The following ABCA13 variants were observed in gnomAD, a reference collection of about 807,000 sequenced individuals.
ABCA13 encodes the protein ATP binding cassette subfamily A member 13, also known as ATP-binding cassette sub-family A member 13.
Under a neutral mutation model 478.7 loss-of-function variants are expected in ABCA13, and 476 were observed. The ratio of observed to expected loss-of-function variants is 0.99; its 90% confidence interval spans 0.92 to 1.07. ABCA13 has a LOEUF of 1.07. ABCA13 is among the 50% of genes least tolerant of loss of function. ABCA13 has a pLI of 0.00. For missense variants in ABCA13, 6,060 were observed against 5,910.6 expected, an observed-to-expected ratio of 1.03 and a Z score of -0.83; for synonymous variants, 2,252 against 2,158.9, an observed-to-expected ratio of 1.04 and a Z score of -1.20.
chr7:48,221,156 T>C (rs1445897269), intron 4 of ABCA13, 125 bp from the exon 5 acceptor site: 10 of 534,074 alleles, frequency 1.9e-5, no homozygotes, highest in Admixed American at 3.6e-5. Flanking sequence ...TCAGTTTTGG[T>C]GTATTTGATT....
chr7:48,183,613 C>G lies in ABCA13; in HGVS notation c.70-9346C>G, dbSNP rs182468066. The stretch of plus-strand genomic sequence containing the variant: ...CCTCATTCAGGGATTGTGTACGGCT[C>G]TGCTTCATTTAGTTTCACAAGGACA... On this transcript the variant is annotated intron_variant, in intron 1 of 61. Transcript: ENST00000435803. Among the ~76,000 whole-genome samples, 7 of 152,324 alleles carry G rather than the reference C, an allele frequency of 4.6e-5. No individual in the cohort carries two copies. In the East Asian group the frequency reaches 1.4e-3, roughly 29 times the overall value.
intron 35 of ABCA13, among the ~76,000 whole-genome samples, chr7:48,381,426 T>C (rs1814367495): frequency 6.6e-6 from 1 of 151,852 alleles, no homozygotes; most frequent in African/African-American, 2.4e-5. Flanking sequence ...CAAATACTTT[T>C]CTCTCGATTT....
chr7:48,414,615 G>A (rs6967055), intron 41 of ABCA13, among the ~76,000 whole-genome samples: 28,998 of 149,950 alleles, frequency 0.19, 3,177 homozygotes, highest in East Asian at 0.23. Flanking sequence ...TATATTACAT[G>A]TAATAATACA....
Position 48,192,997 on chromosome 7 carries a change from G to A in ABCA13, c.108G>A (p.Leu36=). The part of the protein sequence containing the change: ...FLAEFFWPCI[L]FVILTVLRFQ... ...CTGAATTCTTCTGGCCTTGTATCCT[G>A]TTTGTAATTCTGACAGTTCTTCGTT... Residue 36 remains leucine, a synonymous_variant, in exon 2 of 62, where the codon CTG becomes CTA. Coordinates refer to ENST00000435803, the MANE Select transcript of ABCA13 (RefSeq NM_152701.5). 4 of 1,517,870 alleles carry A rather than the reference G, an allele frequency of 2.6e-6. No homozygotes were observed. Among genetic ancestry groups the A allele is most frequent in the Non-Finnish European group, 3.5e-6 (4 of 1,137,932 alleles). 94.0% of individuals were successfully genotyped at this position (1,517,870 alleles called of 1,614,324 possible). A position where few individuals can be genotyped will look rare whatever the true frequency, so the allele number is the denominator to read the frequency against.
chr7:48,604,458 A>T (rs1791256303), intron 58 of ABCA13, among the ~76,000 whole-genome samples: 1 of 152,168 alleles, frequency 6.6e-6, no homozygotes, highest in South Asian at 2.1e-4. Context: ...TTCAAAGAAC[A>T]TCTTTATTTC....
intron 55 of ABCA13, among the ~76,000 whole-genome samples, chr7:48,571,437 T>C (rs2131321485): frequency 6.6e-6 from 1 of 152,264 alleles, no homozygotes; most frequent in East Asian, 1.9e-4. Context: ...TTTTAAAAGA[T>C]AGTCATTTCT....
chr7:48,268,871 T>TAA, intron 15 of ABCA13, 109 bp from the exon 16 acceptor site: 2 of 367,450 alleles, frequency 5.4e-6, no homozygotes, highest in Non-Finnish European at 9.9e-6. Flanking sequence ...TTTTTTTTTT[T>TAA]TTAACATTTT....
chr7:48,269,923 A>C (rs984138385), intron 16 of ABCA13, among the ~76,000 whole-genome samples: 13 of 152,178 alleles, frequency 8.5e-5, no homozygotes, highest in Non-Finnish European at 1.6e-4. Context: ...AATGGGATGG[A>C]TCCTCTAGAG....
At chr7:48,605,156 C>G (rs1170086250) in intron 58 of ABCA13, among the ~76,000 whole-genome samples, 1 of 151,980 alleles carries the variant, frequency 6.6e-6, no homozygotes, top group African/African-American at 2.4e-5. Flanking sequence ...GAATAAAGCA[C>G]ACCCATGGGT....
Position 48,273,746 on chromosome 7 carries a change from T to C in ABCA13, c.4080T>C (p.Asp1360=). Residue 1360 remains aspartate (D), a synonymous_variant, in exon 17 of 62, where the codon GAT becomes GAC. Transcript: ENST00000435803. ...FQNVTECILE[D]GFLYVNTSQR... is the part of the protein sequence containing the mutation. ...ATGTTACTGAGTGTATTTTAGAAGA[T>C]GGCTTTTTATATGTAAATACCTCAC... 2 of 1,610,576 alleles carry C rather than the reference T, an allele frequency of 1.2e-6. No individual in the cohort carries two copies. Among genetic ancestry groups the C allele is most frequent in the Non-Finnish European group, 1.7e-6 (2 of 1,178,164 alleles).
At chr7:48,357,879 C>T (rs1810182248) in intron 31 of ABCA13, among the ~76,000 whole-genome samples, 1 of 151,856 alleles carries the variant, frequency 6.6e-6, no homozygotes, top group African/African-American at 2.4e-5. Context: ...TGTGGTGGCT[C>T]ACACCTGTAA....
intron 59 of ABCA13, among the ~76,000 whole-genome samples, chr7:48,619,737 G>A (rs905145395): frequency 6.6e-6 from 1 of 152,146 alleles, no homozygotes; most frequent in African/African-American, 2.4e-5. Context: ...AAAGAAGGAG[G>A]AAGACACATC....
chr7:48,423,153 G>C (rs1820993538), intron 41 of ABCA13, among the ~76,000 whole-genome samples: 1 of 152,238 alleles, frequency 6.6e-6, no homozygotes, highest in Admixed American at 6.5e-5. Flanking sequence ...TCAGGGGACA[G>C]CCCTGCCCAA....
At chr7:48,491,830 A>T (rs1029386901) in intron 48 of ABCA13, among the ~76,000 whole-genome samples, 2 of 152,166 alleles carry the variant, frequency 1.3e-5, no homozygotes, top group Admixed American at 1.3e-4. Flanking sequence ...CTATTAGCTT[A>T]ATACTTAGAG....
rs73323764 is a variant in ABCA13 at position 48,350,616 on chromosome 7, G to A, written c.10205-27G>A. 20 of 1,543,124 alleles carry A rather than the reference G, an allele frequency of 1.3e-5. No individual in the cohort carries two copies. The South Asian group carries it at 2.3e-4, about 18-fold the overall frequency. ...GCACTGGGGGGATACAGAAGTTGAT[G>A]TGTCCTAATCTGTTCACTTTCCTCA... On this transcript the variant is annotated intron_variant, in intron 29 of 61. Transcript: ENST00000435803.
chr7:48,471,582 G>T lies in ABCA13; in HGVS notation c.12958G>T (p.Asp4320Tyr), dbSNP rs1284665984. The T allele has an allele frequency of 1.9e-6, 3 of 1,563,754 alleles. No individual in the cohort carries two copies. The highest frequency in any genetic ancestry group is 2.6e-6 in the Non-Finnish European group (3 of 1,152,230). ...TDPFSHPEFQ[D>Y]SCGCLKCPNR... is the part of the protein sequence containing the mutation. ...TCCCTTTTCTCACCCAGAATTCCAG[G>T]ATTCATGTGGCTGCCTGGTAGGTTT... The change falls in exon 45 of 62, where the codon GAT becomes TAT. Residue 4320 changes from aspartate (D) to tyrosine (Y), a missense_variant. By Grantham distance (160) the Asp-to-Tyr change is radical (BLOSUM62 -3). This residue lies in a region of ABCA13 where 1,627 missense variants were observed against 1,571.0 expected (regional missense o/e 1.04). Coordinates refer to ENST00000435803, the MANE Select transcript of ABCA13 (RefSeq NM_152701.5).
At chr7:48,366,309 C>T (rs898737878) in intron 31 of ABCA13, among the ~76,000 whole-genome samples, 8 of 151,780 alleles carry the variant, frequency 5.3e-5, no homozygotes, top group East Asian at 1.9e-4. Flanking sequence ...TTACTTCATC[C>T]GCTTTCTGCT....
intron 23 of ABCA13, among the ~76,000 whole-genome samples, 198 bp downstream of exon 23, chr7:48,298,685 A>G (rs1464275717): frequency 6.6e-6 from 1 of 152,258 alleles, no homozygotes; most frequent in African/African-American, 2.4e-5. Flanking sequence ...TCATTGTCCC[A>G]TGCCAAAATC....
chr7:48,532,994 A>G (rs1833341170), intron 55 of ABCA13, among the ~76,000 whole-genome samples: 1 of 151,712 alleles, frequency 6.6e-6, no homozygotes, highest in South Asian at 2.1e-4. Flanking sequence ...TTTTGTTTAA[A>G]TTTCATTTCA....
Sources: gnomAD v4.1 joint callset for allele counts (sites outside exome capture counted in the v4.1 genomes callset) on GRCh38, gnomAD v4.1.1 for gene constraint, gnomAD v4.1.1 regional missense constraint, MANE v1.5 for transcripts, NCBI Gene and HGNC (gene_info 2026-07-23, HGNC 2026-07-21) for gene names.